The following UBASH3B variants were observed in gnomAD, a reference collection of about 807,000 sequenced individuals.
UBASH3B encodes the protein ubiquitin-associated and SH3 domain-containing protein B.
A neutral mutation model predicts 83.4 loss-of-function variants in UBASH3B; 37 were observed. That is an observed-to-expected ratio of 0.44 (90% confidence interval 0.34 to 0.58). The LOEUF (loss-of-function observed/expected upper bound fraction) is 0.58. Ranked by LOEUF, UBASH3B falls within the 20% of genes least tolerant of loss-of-function variation. The pLI is 0.01. For missense variants in UBASH3B, 657 were observed against 827.2 expected, an observed-to-expected ratio of 0.79 and a Z score of 2.52; for synonymous variants, 304 against 318.3, an observed-to-expected ratio of 0.96 and a Z score of 0.48.
chr11:122,813,519 T>C lies in UBASH3B; in HGVS notation c.*3633T>C, dbSNP rs1861485317. ...TGAACCTCCGTTTGATTTCACAGCC[T>C]TCAGCACAGGCAACTGTTACTGAGT... On this transcript the variant is annotated 3_prime_UTR_variant, in exon 14 of 14. Transcript: ENST00000284273. 6.6e-6 allele frequency: 1 copy of C among 152,222 alleles called. No individual in the cohort carries two copies. Among genetic ancestry groups the C allele is most frequent in the Admixed American group, 6.5e-5 (1 of 15,284 alleles). 9.4% of individuals were successfully genotyped at this position (152,222 alleles called of 1,614,324 possible). A position where few individuals can be genotyped will look rare whatever the true frequency, so the allele number is the denominator to read the frequency against.
intron 1 of UBASH3B, among the ~76,000 whole-genome samples, chr11:122,657,142 G>T (rs1863375254): frequency 6.6e-6 from 1 of 152,148 alleles, no homozygotes; most frequent in African/African-American, 2.4e-5. Context: ...GGGACACAAG[G>T]CCTGGCGTCC....
chr11:122,789,111 C>A lies in UBASH3B; in HGVS notation c.783C>A (p.Val261=). 6.2e-7 allele frequency: 1 copy of A among 1,612,658 alleles called. No homozygotes were observed. The highest frequency in any genetic ancestry group is 8.5e-7 in the Non-Finnish European group (1 of 1,179,668). ...TCTTCCTTTTCCAGACATTACAGGT[C>A]ATCTACCCCTATACCCCACAAAATG... ...IRFANHETLQ[V]IYPYTPQNDD... Residue 261 remains valine (V), a synonymous_variant, in exon 6 of 14, where the codon GTC becomes GTA. Transcript: ENST00000284273.
chr11:122,699,086 G>A (rs969791911), intron 1 of UBASH3B, among the ~76,000 whole-genome samples: 3 of 152,196 alleles, frequency 2.0e-5, no homozygotes, highest in African/African-American at 7.2e-5. Flanking sequence ...CTGACCTCAG[G>A]TGATCCACCT....
At chr11:122,746,963 A>C (rs1861128687) in intron 1 of UBASH3B, among the ~76,000 whole-genome samples, 1 of 152,224 alleles carries the variant, frequency 6.6e-6, no homozygotes, top group Non-Finnish European at 1.5e-5. Flanking sequence ...AAAAGGGGGA[A>C]TGTGGACAAT....
intron 1 of UBASH3B, among the ~76,000 whole-genome samples, chr11:122,750,302 C>T (rs1032193467): frequency 2.6e-5 from 4 of 152,164 alleles, no homozygotes; most frequent in Admixed American, 6.5e-5. Context: ...GCATATTGCT[C>T]AGGCTGGTTG....
intron 1 of UBASH3B, among the ~76,000 whole-genome samples, chr11:122,750,271 C>G (rs1227809681): frequency 3.3e-5 from 5 of 152,190 alleles, no homozygotes; most frequent in South Asian, 2.1e-4. Flanking sequence ...AGGGCCCCCC[C>G]ACCTTTCTTC....
chr11:122,670,956 T>A (rs1035738193), intron 1 of UBASH3B, among the ~76,000 whole-genome samples: 2 of 151,132 alleles, frequency 1.3e-5, no homozygotes, highest in African/African-American at 4.9e-5. Context: ...AGAGATGGGG[T>A]TTCGCCACGT....
At chr11:122,685,498 C>G (rs1863797785) in intron 1 of UBASH3B, among the ~76,000 whole-genome samples, 1 of 152,062 alleles carries the variant, frequency 6.6e-6, no homozygotes, top group Non-Finnish European at 1.5e-5. Flanking sequence ...CTGACACATC[C>G]TCGTGATAAT....
At chr11:122,695,138 A>G (rs972832346) in intron 1 of UBASH3B, among the ~76,000 whole-genome samples, 10 of 149,252 alleles carry the variant, frequency 6.7e-5, no homozygotes, top group Admixed American at 6.7e-4. Flanking sequence ...TAATTTTTGC[A>G]TTTTTCTTAG....
intron 1 of UBASH3B, 129 bp from the exon 2 acceptor site, chr11:122,776,090 T>G: frequency 1.4e-6 from 1 of 737,096 alleles, no homozygotes; most frequent in Non-Finnish European, 2.2e-6. Flanking sequence ...GCTGCAGGTG[T>G]CTACTCCCCA....
intron 1 of UBASH3B, among the ~76,000 whole-genome samples, chr11:122,675,465 T>A (rs930269067): frequency 2.0e-5 from 3 of 152,196 alleles, no homozygotes; most frequent in African/African-American, 4.8e-5. Flanking sequence ...AATTGATATG[T>A]CACTGGATGA....
intron 1 of UBASH3B, among the ~76,000 whole-genome samples, chr11:122,738,305 G>T (rs927311582): frequency 2.6e-5 from 4 of 152,186 alleles, no homozygotes; most frequent in African/African-American, 7.2e-5. Context: ...AACTATTAGG[G>T]ACTTTGTTAG....
chr11:122,703,113 A>G (rs1319068593), intron 1 of UBASH3B, among the ~76,000 whole-genome samples: 1 of 152,020 alleles, frequency 6.6e-6, no homozygotes, highest in African/African-American at 2.4e-5. Context: ...TTGGTGGTGG[A>G]CATGCCACTT....
chr11:122,729,334 G>C (rs1860799424), intron 1 of UBASH3B, among the ~76,000 whole-genome samples: 1 of 152,206 alleles, frequency 6.6e-6, no homozygotes, highest in African/African-American at 2.4e-5. Context: ...TTGTTGAGGG[G>C]AAGGGGTGTG....
At chr11:122,765,088 T>C (rs1591803671) in intron 1 of UBASH3B, among the ~76,000 whole-genome samples, 1 of 92,416 alleles carries the variant, frequency 1.1e-5, no homozygotes, top group Non-Finnish European at 2.8e-5. Context: ...ATAAAAGCCC[T>C]TTTTTTTTTT....
At chr11:122,671,857 G>A (rs1172403118) in intron 1 of UBASH3B, among the ~76,000 whole-genome samples, 1 of 152,198 alleles carries the variant, frequency 6.6e-6, no homozygotes, top group Non-Finnish European at 1.5e-5. Context: ...TGTGCAGCTG[G>A]CTCCGAAGGA....
intron 1 of UBASH3B, among the ~76,000 whole-genome samples, chr11:122,716,462 C>T (rs1015763285): frequency 6.6e-6 from 1 of 152,216 alleles, no homozygotes; most frequent in Non-Finnish European, 1.5e-5. Flanking sequence ...GAGGATGATT[C>T]TACCTTATCC....
chr11:122,716,474 C>T (rs1273647238), intron 1 of UBASH3B, among the ~76,000 whole-genome samples: 3 of 152,224 alleles, frequency 2.0e-5, no homozygotes, highest in Non-Finnish European at 4.4e-5. Context: ...ACCTTATCCT[C>T]CCTCCACAAA....
In UBASH3B at chr11:122,810,235, G is replaced by C. The variant is rs777213531; in HGVS notation, c.*349G>C. On this transcript the variant is annotated 3_prime_UTR_variant, in exon 14 of 14. Coordinates refer to ENST00000284273, the MANE Select transcript of UBASH3B (RefSeq NM_032873.5). ...GGGAGCTGCTGGCCCGCTCTAAGGG[G>C]TGCAAGAGGAAGGAGTGTGCCCAGA... 5.5e-6 allele frequency: 1 copy of C among 182,460 alleles called. No homozygotes were observed. The allele number at this position is 182,460 out of a possible 1,614,324, so 11.3% of individuals were successfully genotyped here. A position where few individuals can be genotyped will look rare whatever the true frequency, so the allele number is the denominator to read the frequency against.
Sources: gnomAD v4.1 joint callset for allele counts (sites outside exome capture counted in the v4.1 genomes callset) on GRCh38, gnomAD v4.1.1 for gene constraint, MANE v1.5 for transcripts, NCBI Gene and HGNC (gene_info 2026-07-23, HGNC 2026-07-21) for gene names.